Variants in KAT6A observed in about 807,000 individuals in gnomAD.
KAT6A encodes histone acetyltransferase KAT6A.
In KAT6A, 9 loss-of-function variants were observed where a neutral mutation model predicts 198.4. The ratio of observed to expected loss-of-function variants is 0.05; its 90% CI spans 0.03 to 0.08. KAT6A has a LOEUF of 0.08. Ranked by LOEUF, KAT6A falls within the 10% of genes least tolerant of loss-of-function variation. The pLI, the probability that KAT6A is intolerant of heterozygous loss-of-function variation, is 1.00. For synonymous variants in KAT6A, 890 were observed against 883.0 expected, an observed-to-expected ratio of 1.01 and a Z score of -0.14; for missense variants, 2,077 against 2,509.9, an observed-to-expected ratio of 0.83 and a Z score of 3.69.
intron 15 of KAT6A, 90 bp downstream of exon 15, chr8:41,940,751 CT>C (rs1441563063): frequency 1.2e-5 from 17 of 1,470,414 alleles, no homozygotes; most frequent in Admixed American, 6.5e-5. Flanking sequence ...GAATTTCTAA[CT>C]TATACTCTTT....
At chr8:41,964,733 T>C (rs1196680941) in intron 8 of KAT6A, among the ~76,000 whole-genome samples, 2 of 151,964 alleles carry the variant, frequency 1.3e-5, no homozygotes, top group Admixed American at 1.3e-4. Flanking sequence ...TATTCATCCA[T>C]ACCCATGATA....
In KAT6A at chr8:42,048,580, G is replaced by A; in HGVS notation, c.398C>T (p.Ala133Val). ...AGAGGCAGCACTGCCTCCGAATAAT[G>A]CAGACACATCCTTCTGACCTTTCAA... ...RFLKGQKDVS[A>V]LFGGSAASGF... Residue 133 changes from alanine (A) to valine (V), a missense_variant, in exon 2 of 17, where the codon GCA (alanine) becomes GTA (valine). Physicochemically the swap from Ala to Val is moderately conservative, Grantham distance 64. This residue lies in a region of KAT6A where 185 missense variants were observed against 185.7 expected (regional missense o/e 1.00). Coordinates refer to ENST00000265713, the MANE Select transcript of KAT6A (RefSeq NM_006766.5). 1 of 1,614,184 alleles carries A rather than the reference G, an allele frequency of 6.2e-7. No homozygotes were observed. The highest frequency in any genetic ancestry group is 8.5e-7 in the Non-Finnish European group (1 of 1,180,032).
At chr8:41,968,308 G>A (rs1214256997) in intron 8 of KAT6A, among the ~76,000 whole-genome samples, 1 of 152,018 alleles carries the variant, frequency 6.6e-6, no homozygotes, top group Non-Finnish European at 1.5e-5. Context: ...TGAAAAAGTG[G>A]GCAAAGGACA....
intron 2 of KAT6A, among the ~76,000 whole-genome samples, chr8:42,027,159 T>C (rs1826858908): frequency 6.6e-6 from 1 of 152,226 alleles, no homozygotes. Flanking sequence ...TGATTGTTGC[T>C]GGATTGTTTG....
chr8:41,934,786 G>A lies in KAT6A; in HGVS notation c.3434C>T (p.Pro1145Leu), dbSNP rs1417810864. 1.2e-6 allele frequency: 2 copies of A among 1,613,796 alleles called. No individual in the cohort carries two copies. The highest frequency in any genetic ancestry group is 2.7e-5 in the African/African-American group (2 of 74,810). ...GGGCCATCCCTTTTTCTTTTTCAAA[G>A]GTGTGGATGTATCTGGCTCAAGAGG... ...NSPLEPDTST[P>L]LKKKKGWPKG... The change falls in exon 17 of 17, where the codon CCT becomes CTT. Residue 1145 changes from proline (P) to leucine (L), a missense_variant. Pro to Leu is a moderately conservative substitution (Grantham distance 98, BLOSUM62 -3). This residue lies in a region of KAT6A where 375 missense variants were observed against 383.0 expected (regional missense o/e 0.98). Transcript: ENST00000265713.
chr8:41,937,341 A>T lies in KAT6A; in HGVS notation c.3267T>A (p.Ser1089=), dbSNP rs1587713969. 6.2e-7 allele frequency: 1 copy of T among 1,614,110 alleles called. No individual in the cohort carries two copies. The change falls in exon 16 of 17, where the codon TCT becomes TCA. Residue 1089 remains serine, a synonymous_variant. Coordinates refer to ENST00000265713, the MANE Select transcript of KAT6A (RefSeq NM_006766.5). ...ACTGACACCTGAGTACATCCTGCGA[A>T]GACAAACGACGGAAGTATTCTCTAG... ...LFPREYFRRL[S]SQDVLRCQSS... is the part of the protein sequence containing the mutation.
rs551502510 is a variant in KAT6A, at chr8:41,934,359, C to T, written c.3861G>A (p.Glu1287=). ...GCTCCTCTAATTCCTGCTGCTCCTC[C>T]TCTGACTGCCTCTGCTCCTCTGAGA... ...PRVSEEQRQS[E]EEQQELEEPE... Residue 1287 remains glutamate, a synonymous_variant, in exon 17 of 17, where the codon GAG becomes GAA. Coordinates refer to ENST00000265713, the MANE Select transcript of KAT6A (RefSeq NM_006766.5). The T allele has an allele frequency of 6.2e-7, 1 of 1,613,902 alleles. No homozygotes were observed. Among genetic ancestry groups the T allele is most frequent in the African/African-American group, 1.3e-5 (1 of 75,026 alleles).
intron 2 of KAT6A, among the ~76,000 whole-genome samples, chr8:42,023,466 T>C (rs1484877260): frequency 6.6e-6 from 1 of 151,368 alleles, no homozygotes; most frequent in South Asian, 2.1e-4. Flanking sequence ...AAACACACAT[T>C]GTACAGTACA....
At position 41,932,647 on chromosome 8, in the gene KAT6A, C is replaced by A. The variant is rs572974007; in HGVS notation, c.5573G>T (p.Arg1858Leu). Reference protein sequence around the residue: ...QMPVKGHISIRSKSAPLPSAA... With the variant: ...QMPVKGHISILSKSAPLPSAA... The stretch of plus-strand genomic sequence containing the variant: ...AGAGGGCAGTGGCGCAGACTTGGAG[C>A]GGATGGAAATGTGCCCCTTCACTGG... Residue 1858 changes from arginine (R) to leucine (L), a missense_variant, in exon 17 of 17, where the codon CGC becomes CTC. This residue lies in a region of KAT6A where 500 missense variants were observed against 577.2 expected (regional missense o/e 0.87). Transcript: ENST00000265713. The A allele has an allele frequency of 6.2e-7, 1 of 1,614,052 alleles. No individual in the cohort carries two copies. Among genetic ancestry groups the A allele is most frequent in the Admixed American group, 1.7e-5 (1 of 60,002 alleles).
At chr8:42,051,616 G>T (rs944370176) in intron 1 of KAT6A, among the ~76,000 whole-genome samples, 2 of 145,276 alleles carry the variant, frequency 1.4e-5, no homozygotes, top group African/African-American at 4.9e-5. Context: ...GGGATCGGGG[G>T]CGCGGGGCCC....
intron 2 of KAT6A, among the ~76,000 whole-genome samples, chr8:41,987,995 G>A (rs774564060): frequency 2.7e-4 from 41 of 152,342 alleles, no homozygotes; most frequent in Middle Eastern, 6.8e-3. Flanking sequence ...TTAAGTGAGA[G>A]AAACAGTAAG....
intron 8 of KAT6A, among the ~76,000 whole-genome samples, chr8:41,962,167 CA>C (rs1823233117): frequency 6.6e-6 from 1 of 152,206 alleles, no homozygotes; most frequent in East Asian, 1.9e-4. Flanking sequence ...AACCTAGACT[CA>C]AAGTTCTTCT....
In KAT6A at chr8:41,934,077, G is replaced by A; in HGVS notation, c.4143C>T (p.Asp1381=). The part of the protein sequence containing the change: ...LDSEEEQPSH[D]TSVVSEQMAG... ...CCATCTGCTCTGACACCACGGACGT[G>A]TCATGGGAAGGCTGCTCCTCTTCGG... The change falls in exon 17 of 17, where the codon GAC becomes GAT. Residue 1381 remains aspartate, a synonymous_variant. Coordinates refer to ENST00000265713, the MANE Select transcript of KAT6A (RefSeq NM_006766.5). The A allele has an allele frequency of 1.2e-6, 2 of 1,614,088 alleles. No individual in the cohort carries two copies. Among genetic ancestry groups the A allele is most frequent in the Non-Finnish European group, 1.7e-6 (2 of 1,180,032 alleles).
At chr8:41,995,363 C>T (rs1380070956) in intron 2 of KAT6A, among the ~76,000 whole-genome samples, 1 of 152,132 alleles carries the variant, frequency 6.6e-6, no homozygotes, top group African/African-American at 2.4e-5. Flanking sequence ...CAGAGGGCAC[C>T]AATATTGTGT....
At chr8:42,041,932 A>G (rs1177415593) in intron 2 of KAT6A, among the ~76,000 whole-genome samples, 2 of 152,140 alleles carry the variant, frequency 1.3e-5, no homozygotes, top group Non-Finnish European at 2.9e-5. Context: ...TCATTCTGTC[A>G]AGCAGTCCAC....
chr8:42,001,060 T>A (rs1825472238), intron 2 of KAT6A, among the ~76,000 whole-genome samples: 1 of 152,154 alleles, frequency 6.6e-6, no homozygotes. Context: ...TAGAAAATGC[T>A]CGGTTTCTAT....
chr8:41,950,102 T>C (rs1214836633), intron 9 of KAT6A, among the ~76,000 whole-genome samples: 1 of 152,122 alleles, frequency 6.6e-6, no homozygotes, highest in African/African-American at 2.4e-5. Flanking sequence ...AAGCACTAAG[T>C]GAAACAAATA....
At chr8:42,047,058 A>G (rs1802349584) in intron 2 of KAT6A, among the ~76,000 whole-genome samples, 1 of 152,208 alleles carries the variant, frequency 6.6e-6, no homozygotes, top group Non-Finnish European at 1.5e-5. Context: ...TCAAATCTCC[A>G]ATTTTCAAAA....
At chr8:42,040,673 T>A (rs1203284684) in intron 2 of KAT6A, among the ~76,000 whole-genome samples, 2 of 128,670 alleles carry the variant, frequency 1.6e-5, no homozygotes, top group African/African-American at 6.1e-5. Context: ...AGGCGGAGGC[T>A]GCAGTGAGCC....
Sources: gnomAD v4.1 joint callset for allele counts (sites outside exome capture counted in the v4.1 genomes callset) on GRCh38, gnomAD v4.1.1 for gene constraint, gnomAD v4.1.1 regional missense constraint, MANE v1.5 for transcripts, NCBI Gene and HGNC (gene_info 2026-07-23, HGNC 2026-07-21) for gene names.